Variants in LRMDA observed in about 807,000 individuals in gnomAD.
LRMDA encodes the protein leucine rich melanocyte differentiation associated, also known as leucine-rich melanocyte differentiation-associated protein.
In LRMDA, 18 loss-of-function variants were observed where a neutral mutation model predicts 29.8. The ratio of observed to expected loss-of-function variants is 0.60; its 90% CI spans 0.42 to 0.90. The LOEUF (loss-of-function observed/expected upper bound fraction) is 0.90. Ranked by LOEUF, LRMDA falls within the 40% of genes least tolerant of loss-of-function variation. The pLI is 0.00. For synonymous variants in LRMDA, 125 were observed against 109.4 expected (o/e 1.14, Z -0.89); for missense variants, 273 against 273.9 (o/e 1.00, Z 0.02).
chr10:76,042,705 A>G (rs935145693), intron 3 of LRMDA, among the ~76,000 whole-genome samples: 8 of 152,164 alleles, frequency 5.3e-5, no homozygotes, highest in South Asian at 2.1e-4. Flanking sequence ...CAAATTTCTC[A>G]TAGTTTCATT....
chr10:75,750,929 G>A (rs931497388), intron 2 of LRMDA, among the ~76,000 whole-genome samples: 3 of 152,232 alleles, frequency 2.0e-5, no homozygotes, highest in Admixed American at 2.0e-4. Flanking sequence ...CCGGGCAGAG[G>A]CTGCAATCTC....
At position 76,304,065 on chromosome 10, in the gene LRMDA, G is replaced by T. The variant is rs1464446593; in HGVS notation, c.517-20336G>T. Among the ~76,000 whole-genome samples, 3 of 152,142 alleles carry T rather than the reference G, an allele frequency of 2.0e-5. No homozygotes were observed. The East Asian group carries it at 5.8e-4, about 29-fold the overall frequency. ...CTTTGGTCCCTGGAGGAGCACAACAGTGACTAATGGTGTGCGTACCTGCAC... is the reference window on the plus strand; with the variant it reads ...CTTTGGTCCCTGGAGGAGCACAACATTGACTAATGGTGTGCGTACCTGCAC... On this transcript the variant is annotated intron_variant, in intron 5 of 6. Coordinates refer to ENST00000611255, the MANE Select transcript of LRMDA (RefSeq NM_001305581.2).
chr10:76,554,885 GT>G (rs1843536376), intron 6 of LRMDA, among the ~76,000 whole-genome samples: 1 of 149,950 alleles, frequency 6.7e-6, no homozygotes, highest in Non-Finnish European at 1.5e-5. Flanking sequence ...GTGTGTGTGT[GT>G]GTGTGTGTGT....
intron 2 of LRMDA, among the ~76,000 whole-genome samples, chr10:75,501,539 A>C (rs1291842897): frequency 1.3e-5 from 2 of 152,176 alleles, no homozygotes; most frequent in Non-Finnish European, 2.9e-5. Flanking sequence ...CATCTTGTGA[A>C]TGTTTGCTGG....
At chr10:76,105,323 G>A (rs373364804) in intron 5 of LRMDA, among the ~76,000 whole-genome samples, 1 of 151,774 alleles carries the variant, frequency 6.6e-6, no homozygotes, top group Admixed American at 6.6e-5. Context: ...CCAGAGCAAT[G>A]CCATCTTCAC....
chr10:76,538,669 T>C (rs1843319574), intron 6 of LRMDA, among the ~76,000 whole-genome samples: 1 of 151,840 alleles, frequency 6.6e-6, no homozygotes, highest in Non-Finnish European at 1.5e-5. Context: ...TTCTGGATTG[T>C]TTAACTTGTT....
chr10:76,095,477 C>T (rs908466392), intron 5 of LRMDA, among the ~76,000 whole-genome samples: 3 of 152,058 alleles, frequency 2.0e-5, no homozygotes, highest in East Asian at 1.9e-4. Flanking sequence ...TGTGTGTGGA[C>T]GTGTTTTCAT....
At chr10:76,438,257 C>T (rs1842265372) in intron 6 of LRMDA, among the ~76,000 whole-genome samples, 3 of 152,182 alleles carry the variant, frequency 2.0e-5, no homozygotes, top group African/African-American at 4.8e-5. Flanking sequence ...TCATCAGAGG[C>T]TCTCTGTGTG....
At chr10:76,045,276 C>A (rs1482771956) in intron 3 of LRMDA, among the ~76,000 whole-genome samples, 3 of 148,134 alleles carry the variant, frequency 2.0e-5, no homozygotes, top group Non-Finnish European at 4.5e-5. Context: ...TAGTTTCCCC[C>A]TCTCTGGTTA....
intron 6 of LRMDA, among the ~76,000 whole-genome samples, chr10:76,506,881 T>C (rs1842964447): frequency 6.6e-6 from 1 of 152,094 alleles, no homozygotes; most frequent in African/African-American, 2.4e-5. Context: ...TTTAGCTTGA[T>C]TCCATATCTT....
chr10:76,047,865 A>G (rs149337957), intron 4 of LRMDA, among the ~76,000 whole-genome samples: 17 of 152,344 alleles, frequency 1.1e-4, no homozygotes, highest in African/African-American at 3.6e-4. Flanking sequence ...CCATAGAGCT[A>G]TGCCGTGGCG....
At chr10:75,959,920 C>A (rs1458571635) in intron 2 of LRMDA, among the ~76,000 whole-genome samples, 4 of 152,172 alleles carry the variant, frequency 2.6e-5, no homozygotes, top group Admixed American at 2.6e-4. Flanking sequence ...GGCAGAAATT[C>A]TCCTTTTGCA....
intron 2 of LRMDA, among the ~76,000 whole-genome samples, chr10:75,832,670 C>A (rs780322259): frequency 6.6e-6 from 1 of 152,096 alleles, no homozygotes; most frequent in African/African-American, 2.4e-5. Flanking sequence ...GACTGGGCAA[C>A]GTACAAAAGA....
At chr10:75,693,028 T>C (rs1482013947) in intron 2 of LRMDA, among the ~76,000 whole-genome samples, 1 of 152,172 alleles carries the variant, frequency 6.6e-6, no homozygotes, top group Non-Finnish European at 1.5e-5. Flanking sequence ...TAGAGCTACA[T>C]CCTCCTCTGA....
chr10:75,522,071 T>A (rs543211833), intron 2 of LRMDA, among the ~76,000 whole-genome samples: 1 of 152,190 alleles, frequency 6.6e-6, no homozygotes, highest in African/African-American at 2.4e-5. Context: ...AGTGGTGGTG[T>A]CAATGGTGGG....
At chr10:76,274,939 C>T (rs1382663674) in intron 5 of LRMDA, among the ~76,000 whole-genome samples, 3 of 152,130 alleles carry the variant, frequency 2.0e-5, no homozygotes, top group Non-Finnish European at 2.9e-5. Flanking sequence ...CAATGCTTTC[C>T]ATAGTTGTTT....
intron 2 of LRMDA, among the ~76,000 whole-genome samples, chr10:75,591,195 C>T (rs187480520): frequency 6.6e-6 from 1 of 152,156 alleles, no homozygotes; most frequent in African/African-American, 2.4e-5. Flanking sequence ...ATCATCTCTA[C>T]AAAACCAAAA....
chr10:76,066,483 T>C (rs1848788097), intron 5 of LRMDA, among the ~76,000 whole-genome samples: 1 of 152,158 alleles, frequency 6.6e-6, no homozygotes, highest in Non-Finnish European at 1.5e-5. Context: ...CCCCGGGTCT[T>C]CCTAAGCCCC....
chr10:75,594,276 G>T (rs1274555789), intron 2 of LRMDA, among the ~76,000 whole-genome samples: 1 of 152,176 alleles, frequency 6.6e-6, no homozygotes, highest in African/African-American at 2.4e-5. Flanking sequence ...CTCAGTGAAC[G>T]GTAGTTGGTG....
Sources: gnomAD v4.1 joint callset for allele counts (sites outside exome capture counted in the v4.1 genomes callset) on GRCh38, gnomAD v4.1.1 for gene constraint, MANE v1.5 for transcripts, NCBI Gene and HGNC (gene_info 2026-07-23, HGNC 2026-07-21) for gene names.